AGT: variants seen among roughly 807,000 people sequenced by gnomAD.
AGT encodes alpha-1 antiproteinase, antitrypsin.
A neutral mutation model predicts 28.1 loss-of-function variants in AGT; 26 were observed. The ratio of observed to expected loss-of-function variants is 0.92; its 90% CI spans 0.68 to 1.28. AGT has a LOEUF of 1.28. Ranked by LOEUF, AGT falls within the 50% of genes most tolerant of loss-of-function variation. The pLI, the probability that AGT is intolerant of heterozygous loss-of-function variation, is 0.00. For missense variants in AGT, 596 were observed against 592.3 expected, an observed-to-expected ratio of 1.01 and a Z score of -0.06; for synonymous variants, 259 against 259.6, an observed-to-expected ratio of 1.00 and a Z score of 0.02.
intron 1 of AGT, among the ~76,000 whole-genome samples, chr1:230,727,709 A>T (rs1663970432): frequency 1.3e-5 from 2 of 152,212 alleles, no homozygotes; most frequent in South Asian, 4.1e-4. Flanking sequence ...GGAACCAATA[A>T]TTCTCATCTT....
At chr1:230,704,077 C>T in intron 4 of AGT, 116 bp downstream of exon 4, 1 of 1,517,984 alleles carries the variant, frequency 6.6e-7, no homozygotes. Flanking sequence ...CTACTCTCCG[C>T]TCCCTCTTGC....
intron 1 of AGT, among the ~76,000 whole-genome samples, chr1:230,728,629 T>C (rs1663995831): frequency 6.6e-6 from 1 of 152,212 alleles, no homozygotes; most frequent in African/African-American, 2.4e-5. Context: ...TGCCACTTAC[T>C]GAGAACTTTT....
chr1:230,743,765 T>C (rs2478542), intron 1 of AGT, among the ~76,000 whole-genome samples: 57,634 of 152,236 alleles, frequency 0.38, 13,719 homozygotes, highest in African/African-American at 0.67. Flanking sequence ...GTGAAGCTTC[T>C]GAGCATTTGT....
chr1:230,738,110 A>G (rs1664186100), intron 1 of AGT, among the ~76,000 whole-genome samples: 1 of 152,348 alleles, frequency 6.6e-6, no homozygotes, highest in Admixed American at 6.5e-5. Context: ...CTGATGGACA[A>G]TTAGTTGCTT....
rs758322256 is a variant in AGT, at chr1:230,703,168, G to A, written c.1404C>T (p.Arg468=). The part of the protein sequence containing the change: ...QSATALHFLG[R]VANPLSTA ...ATGCTGTGCTCAGCGGGTTGGCCAC[G>A]CGGCCCAGGAAGTGCAGGGCAGTGG... Residue 468 remains arginine (R), a synonymous_variant, in exon 5 of 5, where the codon CGC becomes CGT. Coordinates refer to ENST00000366667, the MANE Select transcript of AGT (RefSeq NM_001384479.1). 4.2e-5 allele frequency: 67 copies of A among 1,613,894 alleles called. No individual in the cohort carries two copies. Among genetic ancestry groups the A allele is most frequent in the South Asian group, 6.6e-5 (6 of 91,078 alleles).
In AGT at chr1:230,731,799, G is replaced by A. The variant is rs372069039; in HGVS notation, c.-31+13716C>T. On this transcript the variant is annotated intron_variant, in intron 1 of 4. Coordinates refer to the AGT transcript ENST00000681269. ...GGAGAATCTCTTGAGCCTGGGAGGCGGAGGTTGCAACGAACCAAGATCATG... is the reference window on the plus strand; with the variant it reads ...GGAGAATCTCTTGAGCCTGGGAGGCAGAGGTTGCAACGAACCAAGATCATG... 2.2e-4 allele frequency among the ~76,000 whole-genome samples: 34 copies of A among 152,138 alleles called. No homozygotes were observed. The South Asian group carries it at 2.5e-3, about 11-fold the overall frequency.
intron 1 of AGT, among the ~76,000 whole-genome samples, chr1:230,725,138 T>C (rs1475371489): frequency 1.3e-5 from 2 of 152,228 alleles, no homozygotes; most frequent in Non-Finnish European, 2.9e-5. Context: ...TTAACTACAC[T>C]ACATAAAAAT....
chr1:230,710,559 C>T lies in AGT; in HGVS notation c.265G>A (p.Glu89Lys), dbSNP rs11568032. The change falls in exon 2 of 5, where the codon GAA (glutamate) becomes AAA (lysine). Residue 89 changes from glutamate (E) to lysine (K), a missense_variant. By Grantham distance (56) the Glu-to-Lys change is moderately conservative. Coordinates refer to ENST00000366667, the MANE Select transcript of AGT (RefSeq NM_001384479.1). ...LVLVAAKLDTEDKLRAAMVGM... is the reference protein window; with the variant it reads ...LVLVAAKLDTKDKLRAAMVGM... ...ACCATTGCGGCCCTCAACTTGTCTT[C>T]GGTGTCAAGTTTTGCAGCGACTAGC... The T allele has an allele frequency of 8.1e-4, 1,313 of 1,614,246 alleles. 7 individuals are homozygous for T. In the African/African-American group the frequency reaches 0.016, roughly 19 times the overall value.
At chr1:230,735,765 C>T (rs955001044) in intron 1 of AGT, among the ~76,000 whole-genome samples, 2 of 152,234 alleles carry the variant, frequency 1.3e-5, no homozygotes, top group Non-Finnish European at 2.9e-5. Flanking sequence ...CCATCCCGCC[C>T]TCCTTCCTGA....
intron 1 of AGT, among the ~76,000 whole-genome samples, chr1:230,724,594 TG>T (rs11290574): frequency 0.18 from 26,715 of 151,926 alleles, 3,114 homozygotes; most frequent in East Asian, 0.49. Context: ...GAGGCTGAGG[TG>T]GGTGAAACAC....
chr1:230,719,724 A>C (rs1013087907), intron 1 of AGT, among the ~76,000 whole-genome samples: 2 of 152,176 alleles, frequency 1.3e-5, no homozygotes, highest in African/African-American at 4.8e-5. Context: ...GCACATTTCA[A>C]AAGTTATAAC....
chr1:230,732,645 C>T (rs1321544549), intron 1 of AGT, among the ~76,000 whole-genome samples: 4 of 152,160 alleles, frequency 2.6e-5, no homozygotes, highest in Non-Finnish European at 5.9e-5. Flanking sequence ...ATATTATATA[C>T]TGTGCACAAA....
rs369640545 is a variant in AGT, at chr1:230,743,392, A to G, written c.-31+2123T>C. On this transcript the variant is annotated intron_variant, in intron 1 of 4. Coordinates refer to the AGT transcript ENST00000681269. ...CCATTTGCTCAAGTCTGAAGGCAGG[A>G]CGCCACCTTTACACCTCCACCCTTG... is the stretch of plus-strand genomic sequence containing the variant. Among the ~76,000 whole-genome samples the G allele has an allele frequency of 4.7e-4, 71 of 152,232 alleles. 1 individual carries two copies. Among genetic ancestry groups the G allele is most frequent in the African/African-American group, 1.7e-3 (71 of 41,522 alleles).
rs771357989 is a variant in AGT at position 230,710,426 on chromosome 1, G to C, written c.398C>G (p.Thr133Ser). The C allele has an allele frequency of 2.5e-6, 4 of 1,614,240 alleles. No homozygotes were observed. The highest frequency in any genetic ancestry group is 3.4e-6 in the Non-Finnish European group (4 of 1,180,040). Residue 133 changes from threonine to serine, a missense_variant, in exon 2 of 5, where the codon ACC becomes AGC. Physicochemically the swap from Thr to Ser is moderately conservative, Grantham distance 58. Coordinates refer to ENST00000366667, the MANE Select transcript of AGT (RefSeq NM_001384479.1). ...TVLSPTAVFG[T>S]LASLYLGALD... ...GGCTCCCAGATAGAGAGAGGCCAGG[G>C]TGCCAAAGACAGCCGTTGGGGAGAG...
At chr1:230,720,104 C>G (rs2102797582) in intron 1 of AGT, among the ~76,000 whole-genome samples, 1 of 152,222 alleles carries the variant, frequency 6.6e-6, no homozygotes, top group East Asian at 1.9e-4. Flanking sequence ...GCACAGTTAT[C>G]TCTTCATGTT....
Position 230,706,040 on chromosome 1 carries a change from G to C in AGT, c.990C>G (p.Ser330Arg), listed in dbSNP as rs186671238. Residue 330 changes from serine (S) to arginine (R), a missense_variant, in exon 3 of 5, where the codon AGC (serine) becomes AGG (arginine). Physicochemically the swap from Ser to Arg is moderately radical, Grantham distance 110 (BLOSUM62 -1). Transcript: ENST00000366667. ...FSVTQVPFTE[S>R]ACLLLIQPHY... ...GAGGCTGGATCAGCAGCAGGCAGGC[G>C]CTCTCAGTGAAGGGCACTTGAGTCA... The C allele has an allele frequency of 1.2e-6, 2 of 1,614,144 alleles. No homozygotes were observed. Among genetic ancestry groups the C allele is most frequent in the East Asian group, 4.5e-5 (2 of 44,870 alleles).
At chr1:230,739,969 C>T (rs1364366741) in intron 1 of AGT, among the ~76,000 whole-genome samples, 4 of 152,170 alleles carry the variant, frequency 2.6e-5, no homozygotes, top group South Asian at 2.1e-4. Context: ...ATGGCCACTC[C>T]GTAGGTAGAG....
intron 1 of AGT, among the ~76,000 whole-genome samples, chr1:230,731,782 T>C (rs544576989): frequency 5.7e-4 from 86 of 151,962 alleles, no homozygotes; most frequent in Non-Finnish European, 9.7e-4. Context: ...AAGGAGAATC[T>C]CTTGAGCCTG....
chr1:230,712,630 G>A (rs535345068), intron 1 of AGT, among the ~76,000 whole-genome samples: 11 of 152,326 alleles, frequency 7.2e-5, no homozygotes, highest in African/African-American at 2.4e-4. Flanking sequence ...CCAACTGTTC[G>A]GGGTTTGGAT....
Sources: allele counts gnomAD v4.1 joint callset (sites outside exome capture counted in the v4.1 genomes callset), GRCh38; gene constraint gnomAD v4.1.1; transcripts MANE v1.5; gene names NCBI Gene and HGNC (gene_info 2026-07-23, HGNC 2026-07-21).